The following VPS26A variants were observed in gnomAD, a reference collection of about 807,000 sequenced individuals.
The protein encoded by VPS26A is VPS26 retromer complex component A.
VPS26A carries 22 observed loss-of-function variants against 42.4 expected under a neutral mutation model. The ratio of observed to expected loss-of-function variants is 0.52; its 90% CI spans 0.37 to 0.74. The LOEUF (loss-of-function observed/expected upper bound fraction) is 0.74. Among genes scored for constraint, VPS26A ranks in the 30% least tolerant of loss-of-function variants. The probability of loss-of-function intolerance (pLI) is 0.00; values close to 1 mark genes in which losing one functional copy is unlikely to be tolerated. For missense variants in VPS26A, 276 were observed against 379.2 expected, an observed-to-expected ratio of 0.73 and a Z score of 2.26; for synonymous variants, 110 against 123.5, an observed-to-expected ratio of 0.89 and a Z score of 0.73.
intron 4 of VPS26A, among the ~76,000 whole-genome samples, 184 bp from the exon 5 acceptor site, chr10:69,157,863 A>AT (rs540467882): frequency 3.9e-5 from 6 of 152,044 alleles, no homozygotes; most frequent in East Asian, 3.9e-4. Context: ...TGAACTTTGT[A>AT]TTTTTTTTCA....
intron 2 of VPS26A, among the ~76,000 whole-genome samples, chr10:69,154,707 AT>A (rs1302517775): frequency 6.6e-6 from 1 of 151,996 alleles, no homozygotes; most frequent in Non-Finnish European, 1.5e-5. Context: ...TACAAAAAAA[AT>A]TTTTTTAATT....
Position 69,124,242 on chromosome 10 carries a change from G to A in VPS26A, c.-36G>A. On this transcript the variant is annotated 5_prime_UTR_variant, in exon 1 of 9. Transcript: ENST00000263559. ...GCTGGGAGTTCTCCTGAGGGAAGAG[G>A]AGTGGAGTAGGGGGGACGCGGCGGC... 7.8e-7 allele frequency: 1 copy of A among 1,285,108 alleles called. No homozygotes were observed. The highest frequency in any genetic ancestry group is 9.9e-7 in the Non-Finnish European group (1 of 1,010,804). The allele number at this position is 1,285,108 out of a possible 1,614,324, so 79.6% of individuals were successfully genotyped here. A position where few individuals can be genotyped will look rare whatever the true frequency, so the allele number is the denominator to read the frequency against.
chr10:69,130,489 A>G (rs981500709), intron 1 of VPS26A, among the ~76,000 whole-genome samples: 9 of 152,268 alleles, frequency 5.9e-5, no homozygotes, highest in Non-Finnish European at 1.2e-4. Context: ...AGAGATGACT[A>G]GTGTCAGATA....
At chr10:69,124,313 C>T in intron 1 of VPS26A, 33 bp downstream of exon 1, 2 of 1,243,660 alleles carry the variant, frequency 1.6e-6, no homozygotes, top group Non-Finnish European at 2.0e-6. Context: ...GCTCGCCTCC[C>T]GCCCTCGTCC....
chr10:69,150,279 C>T (rs952856414), intron 2 of VPS26A, among the ~76,000 whole-genome samples: 1 of 152,194 alleles, frequency 6.6e-6, no homozygotes. Flanking sequence ...TGGTCTCGAA[C>T]TCCTGACCTG....
intron 2 of VPS26A, among the ~76,000 whole-genome samples, chr10:69,145,366 C>T (rs549118751): frequency 3.3e-5 from 5 of 152,052 alleles, no homozygotes; most frequent in African/African-American, 1.2e-4. Flanking sequence ...ACATTTAGAT[C>T]CTTGTTTTGC....
In VPS26A at chr10:69,172,148, T is replaced by C. The variant is rs1199046969; in HGVS notation, c.*879T>C. On this transcript the variant is annotated 3_prime_UTR_variant, in exon 9 of 9. Transcript: ENST00000263559. ...GTGTATGCAAATATTATTTTCTTCATACATTCATTTTCTTTTCAGGGGAAA... is the reference window on the plus strand; with the variant it reads ...GTGTATGCAAATATTATTTTCTTCACACATTCATTTTCTTTTCAGGGGAAA... 2 of 152,238 alleles carry C rather than the reference T, an allele frequency of 1.3e-5. No homozygotes were observed. Among genetic ancestry groups the C allele is most frequent in the African/African-American group, 4.8e-5 (2 of 41,466 alleles). The allele number at this position is 152,238 out of a possible 1,614,324, so 9.4% of individuals were successfully genotyped here.
intron 8 of VPS26A, 82 bp downstream of exon 8, chr10:69,168,713 C>A: frequency 3.3e-6 from 5 of 1,510,820 alleles, no homozygotes; most frequent in Non-Finnish European, 4.4e-6. Context: ...CTTCACTGTA[C>A]TGAGCGAGTG....
At chr10:69,164,482 G>A (rs1299259390) in intron 6 of VPS26A, among the ~76,000 whole-genome samples, 1 of 152,142 alleles carries the variant, frequency 6.6e-6, no homozygotes, top group African/African-American at 2.4e-5. Context: ...ATCCCAAATT[G>A]CTGGGTTTAC....
intron 2 of VPS26A, among the ~76,000 whole-genome samples, chr10:69,144,229 G>A (rs1841105836): frequency 6.6e-6 from 1 of 152,130 alleles, no homozygotes; most frequent in African/African-American, 2.4e-5. Context: ...TGATACATTT[G>A]TTAAAATTGT....
rs1841817973 is a variant in VPS26A, at chr10:69,171,604, GCTTT to G, written c.*342_*345del. 1 of 173,216 alleles carries G rather than the reference GCTTT, an allele frequency of 5.8e-6. No homozygotes were observed. The highest frequency in any genetic ancestry group is 1.5e-4 in the South Asian group (1 of 6,572). The allele number at this position is 173,216 out of a possible 1,614,324, so 10.7% of individuals were successfully genotyped here. On this transcript the variant is annotated 3_prime_UTR_variant, in exon 9 of 9. Coordinates refer to ENST00000263559, the MANE Select transcript of VPS26A (RefSeq NM_004896.5). ...TGAGTAGGCTGGTATTTGTAATTTTGCTTTCTTTCTGCATAATGTTGATTATAAA... is the reference window on the plus strand; with the variant it reads ...TGAGTAGGCTGGTATTTGTAATTTTGCTTTCTGCATAATGTTGATTATAAA...
At chr10:69,162,285 C>T (rs1333626723) in intron 5 of VPS26A, 121 bp from the exon 6 acceptor site, 5 of 524,798 alleles carry the variant, frequency 9.5e-6, no homozygotes, top group Non-Finnish European at 1.7e-5. Context: ...CCACTGTGCC[C>T]AGCCTCAAAA....
chr10:69,132,432 T>TG (rs1425516438), intron 1 of VPS26A, among the ~76,000 whole-genome samples: 3 of 11,992 alleles, frequency 2.5e-4, no homozygotes, highest in Non-Finnish European at 1.6e-3. Context: ...TTTGATGTAG[T>TG]TTTTTTTTTT....
intron 1 of VPS26A, among the ~76,000 whole-genome samples, chr10:69,124,718 G>T (rs939118418): frequency 6.6e-6 from 1 of 152,238 alleles, no homozygotes; most frequent in Non-Finnish European, 1.5e-5. Context: ...CACTCAGTGT[G>T]TCACGAACTT....
At chr10:69,135,829 ATT>A (rs1255875284) in intron 2 of VPS26A, among the ~76,000 whole-genome samples, 1 of 152,054 alleles carries the variant, frequency 6.6e-6, no homozygotes, top group Non-Finnish European at 1.5e-5. Context: ...TATAAGGCAT[ATT>A]TTCTTATTAT....
chr10:69,165,572 G>T (rs1201778733), intron 6 of VPS26A, among the ~76,000 whole-genome samples: 2 of 152,232 alleles, frequency 1.3e-5, no homozygotes, highest in East Asian at 3.9e-4. Flanking sequence ...TTGGGAGGCT[G>T]AAGCGGGCAG....
chr10:69,168,859 T>G (rs1841751518), intron 8 of VPS26A, among the ~76,000 whole-genome samples: 1 of 152,224 alleles, frequency 6.6e-6, no homozygotes, highest in Non-Finnish European at 1.5e-5. Context: ...GGCTTTTAGT[T>G]TTCTCTTACA....
At chr10:69,149,226 T>C (rs1170686060) in intron 2 of VPS26A, among the ~76,000 whole-genome samples, 3 of 152,188 alleles carry the variant, frequency 2.0e-5, no homozygotes, top group Admixed American at 6.5e-5. Flanking sequence ...TCAATCAGTA[T>C]TGGGACAAAC....
rs543911718 is a variant in VPS26A at position 69,163,387 on chromosome 10, T to TAA, written c.658+876_658+877insAA. 1.3e-4 allele frequency among the ~76,000 whole-genome samples: 20 copies of TAA among 152,312 alleles called. 1 individual carries two copies. In the South Asian group the frequency reaches 3.9e-3, roughly 30 times the overall value. On this transcript the variant is annotated intron_variant, in intron 6 of 8. Coordinates refer to ENST00000263559, the MANE Select transcript of VPS26A (RefSeq NM_004896.5). ...CTCCCACCTCTGCCTCCCAAAGTGT[T>TAA]ATGATTACAGGCATAAGCCATTGCA...
Sources: allele counts gnomAD v4.1 joint callset (sites outside exome capture counted in the v4.1 genomes callset), GRCh38; gene constraint gnomAD v4.1.1; transcripts MANE v1.5; gene names NCBI Gene and HGNC (gene_info 2026-07-23, HGNC 2026-07-21).